ACSL1: variants seen among roughly 807,000 people sequenced by gnomAD.
ACSL1 encodes the protein long-chain-fatty-acid--CoA ligase 1.
A neutral mutation model predicts 98.4 loss-of-function variants in ACSL1; 41 were observed. That is an observed-to-expected ratio of 0.42 (90% CI 0.32 to 0.54). ACSL1 has a LOEUF of 0.54. ACSL1 is among the 20% of genes least tolerant of loss of function. The pLI is 0.13. For synonymous variants in ACSL1, 316 were observed against 322.7 expected (o/e 0.98, Z 0.22); for missense variants, 734 against 883.1 (o/e 0.83, Z 2.14).
chr4:184,758,853 T>G (rs1006063069), intron 18 of ACSL1: 2 of 151,720 alleles, frequency 1.3e-5, no homozygotes, highest in African/African-American at 4.8e-5. Flanking sequence ...ACCTGTTAAC[T>G]CGTCATTTAA....
chr4:184,779,316 T>A (rs754879934), intron 5 of ACSL1, among the ~76,000 whole-genome samples: 1 of 152,212 alleles, frequency 6.6e-6, no homozygotes, highest in Admixed American at 6.5e-5. Context: ...CTGCTTTTGC[T>A]TCTTCCGCAT....
At chr4:184,778,846 A>C (rs1765736501) in intron 5 of ACSL1, among the ~76,000 whole-genome samples, 1 of 152,202 alleles carries the variant, frequency 6.6e-6, no homozygotes, top group Non-Finnish European at 1.5e-5. Flanking sequence ...GGGATGAAAA[A>C]AACTAAATTC....
chr4:184,791,179 G>GCT (rs1434552239), intron 2 of ACSL1, among the ~76,000 whole-genome samples: 5 of 152,198 alleles, frequency 3.3e-5, no homozygotes, highest in Admixed American at 2.0e-4. Context: ...CTTTTTCAGT[G>GCT]CTCTCTCTTC....
In ACSL1 at chr4:184,803,647, G is replaced by C. The variant is rs975125532; in HGVS notation, c.-32-101C>G. 1.5e-6 allele frequency: 1 copy of C among 678,066 alleles called. No individual in the cohort carries two copies. The highest frequency in any genetic ancestry group is 2.2e-6 in the Non-Finnish European group (1 of 458,598). The allele number at this position is 678,066 out of a possible 1,614,324, so 42.0% of individuals were successfully genotyped here. ...CAGCCATCTAATTGGGTAGCTGCTC[G>C]GCCAGTCCAGGCATTAAACCCACAA... On this transcript the variant is annotated intron_variant, in intron 1 of 20. Coordinates refer to ENST00000281455, the MANE Select transcript of ACSL1 (RefSeq NM_001995.5). This position sits in a 1 kb window ranked among gnomAD's most constrained non-coding sequence, Gnocchi z 4.8.
chr4:184,785,053 G>A (rs1226872355), intron 3 of ACSL1, among the ~76,000 whole-genome samples: 2 of 152,190 alleles, frequency 1.3e-5, no homozygotes, highest in Non-Finnish European at 2.9e-5. Context: ...GGCCAAATCA[G>A]GCCCACTGGC....
Position 184,803,320 on chromosome 4 carries a change from C to G in ACSL1, c.195G>C (p.Ala65=). The part of the protein sequence containing the change: ...CDLSMQSVEV[A]GSGGARRSAL... ...GAGGCAGGCTGGGCCCTCCACTCAC[C>G]GCCACTTCCACTGACTGCATGGAGA... is the stretch of plus-strand genomic sequence containing the variant. The change falls in exon 2 of 21, where the codon GCG becomes GCC. Residue 65 remains alanine (A), a splice_region_variant and synonymous_variant. Transcript: ENST00000281455. This position sits in a 1 kb window ranked among gnomAD's most constrained non-coding sequence, Gnocchi z 4.8. 1 of 1,573,960 alleles carries G rather than the reference C, an allele frequency of 6.4e-7. No individual in the cohort carries two copies. Among genetic ancestry groups the G allele is most frequent in the South Asian group, 1.2e-5 (1 of 85,978 alleles).
At chr4:184,801,812 T>C (rs1272522186) in intron 2 of ACSL1, among the ~76,000 whole-genome samples, 9 of 152,248 alleles carry the variant, frequency 5.9e-5, no homozygotes. Flanking sequence ...AGAACATATG[T>C]AATTATTTTA....
chr4:184,813,839 C>T (rs553493048), intron 1 of ACSL1: 3 of 456,050 alleles, frequency 6.6e-6, no homozygotes, highest in South Asian at 1.5e-5. Flanking sequence ...GCTATGCAGG[C>T]ACTTTCCTCC....
rs1764317820 is a variant in ACSL1 at position 184,770,450 on chromosome 4, A to G, written c.942T>C (p.Asp314=). 2 of 1,612,796 alleles carry G rather than the reference A, an allele frequency of 1.2e-6. No individual in the cohort carries two copies. The highest frequency in any genetic ancestry group is 4.5e-5 in the East Asian group (2 of 44,814). The change falls in exon 11 of 21, where the codon GAT becomes GAC. Residue 314 remains aspartate, a synonymous_variant. Transcript: ENST00000281455. ...TENTVNPCPD[D]TLISFLPLAH... ...CGAGAGGCAAGAAAGATATCAAAGT[A>G]TCATCTGGGCAAGGATTGACTGTAT...
chr4:184,763,940 A>C (rs1351861213), intron 15 of ACSL1, among the ~76,000 whole-genome samples: 1 of 151,996 alleles, frequency 6.6e-6, no homozygotes, highest in Non-Finnish European at 1.5e-5. Context: ...TTCTCTGTTA[A>C]GGAAACTGAG....
chr4:184,784,012 AC>A (rs1161464147), intron 3 of ACSL1, 21 bp from the exon 4 acceptor site: 8 of 1,594,198 alleles, frequency 5.0e-6, no homozygotes, highest in Non-Finnish European at 6.9e-6. Context: ...AGAAAAAACA[AC>A]AGATGGGCTG....
intron 5 of ACSL1, among the ~76,000 whole-genome samples, chr4:184,778,812 A>G (rs1215154872): frequency 6.6e-6 from 1 of 152,144 alleles, no homozygotes; most frequent in Non-Finnish European, 1.5e-5. Context: ...TTCCATCAAA[A>G]CAAACATTTT....
chr4:184,805,149 CCA>C, intron 1 of ACSL1, among the ~76,000 whole-genome samples: 1 of 152,270 alleles, frequency 6.6e-6, no homozygotes, highest in Middle Eastern at 3.4e-3. Flanking sequence ...ATTTATGCCA[CCA>C]ACAGACACGT....
intron 4 of ACSL1, 34 bp downstream of exon 4, chr4:184,783,893 A>T: frequency 6.3e-7 from 1 of 1,585,898 alleles, no homozygotes; most frequent in Non-Finnish European, 8.7e-7. Context: ...TGCTTGCAAG[A>T]GGAGTCCACA....
intron 5 of ACSL1, among the ~76,000 whole-genome samples, chr4:184,779,274 T>C (rs549708098): frequency 1.5e-4 from 23 of 152,266 alleles, no homozygotes; most frequent in East Asian, 3.9e-4. Flanking sequence ...GATAGTAAGT[T>C]TCATGAGATC....
At chr4:184,811,829 TACC>T (rs1466164638) in intron 1 of ACSL1, among the ~76,000 whole-genome samples, 1 of 152,192 alleles carries the variant, frequency 6.6e-6, no homozygotes, top group African/African-American at 2.4e-5. Flanking sequence ...ATATATATTT[TACC>T]ACAATAAAAA....
intron 4 of ACSL1, among the ~76,000 whole-genome samples, chr4:184,782,934 A>G (rs1766564253): frequency 6.6e-6 from 1 of 152,164 alleles, no homozygotes; most frequent in Non-Finnish European, 1.5e-5. Context: ...ACGCACCCCA[A>G]ATACACCAGC....
At chr4:184,794,115 T>C (rs1216918465) in intron 2 of ACSL1, among the ~76,000 whole-genome samples, 44 of 152,216 alleles carry the variant, frequency 2.9e-4, no homozygotes, top group Non-Finnish European at 4.4e-5. Flanking sequence ...AATCCACGGA[T>C]ACAGAGCGCC....
intron 1 of ACSL1, among the ~76,000 whole-genome samples, chr4:184,815,508 G>A (rs1184433577): frequency 6.6e-6 from 1 of 152,126 alleles, no homozygotes; most frequent in South Asian, 2.1e-4. Flanking sequence ...AAACTGGGAA[G>A]AGTAAGACCC....
Sources: allele counts gnomAD v4.1 joint callset (sites outside exome capture counted in the v4.1 genomes callset), GRCh38; gene constraint gnomAD v4.1.1; non-coding constraint Gnocchi (gnomAD v3.1); transcripts MANE v1.5; gene names NCBI Gene and HGNC (gene_info 2026-07-23, HGNC 2026-07-21).